Variants in MCC observed in about 807,000 individuals in gnomAD.
The protein encoded by MCC is MCC regulator of Wnt signaling pathway.
MCC carries 90 observed loss-of-function variants against 116.2 expected under a neutral mutation model. The observed-to-expected ratio is 0.77, with a 90% CI of 0.65 to 0.92. The LOEUF is 0.92. Ranked by LOEUF, MCC falls within the 40% of genes least tolerant of loss-of-function variation. The probability of loss-of-function intolerance (pLI) is 0.00; values close to 1 mark genes in which losing one functional copy is unlikely to be tolerated. For missense variants in MCC, 1,516 were observed against 1,312.2 expected, an observed-to-expected ratio of 1.16 and a Z score of -2.40; for synonymous variants, 578 against 510.5, an observed-to-expected ratio of 1.13 and a Z score of -1.78.
chr5:113,485,239 T>G (rs1327676396), intron 1 of MCC, among the ~76,000 whole-genome samples: 1 of 152,146 alleles, frequency 6.6e-6, no homozygotes, highest in Non-Finnish European at 1.5e-5. Flanking sequence ...ACACTTAAGA[T>G]TTCCAGCCTA....
At chr5:113,031,603 T>G (rs1312306585) in intron 17 of MCC, among the ~76,000 whole-genome samples, 1 of 151,728 alleles carries the variant, frequency 6.6e-6, no homozygotes. Context: ...TACTGAAGAG[T>G]TAAAAATGTA....
intron 16 of MCC, among the ~76,000 whole-genome samples, chr5:113,048,143 C>T (rs1161181285): frequency 6.6e-6 from 1 of 152,184 alleles, no homozygotes; most frequent in Non-Finnish European, 1.5e-5. Flanking sequence ...ATGGGGATAA[C>T]TATTCTTTCC....
chr5:113,410,040 ATCTG>A (rs1354305696), intron 1 of MCC, among the ~76,000 whole-genome samples: 2 of 152,192 alleles, frequency 1.3e-5, no homozygotes, highest in Non-Finnish European at 2.9e-5. Flanking sequence ...ATGTGTGTGG[ATCTG>A]TCTATGTAAC....
chr5:113,383,148 C>CA (rs1182383982), intron 2 of MCC, among the ~76,000 whole-genome samples: 1 of 151,986 alleles, frequency 6.6e-6, no homozygotes, highest in African/African-American at 2.4e-5. Context: ...TTTTTTTTCA[C>CA]AAAAAATTTC....
In MCC at chr5:113,335,945, G is replaced by A. The variant is rs143706922; in HGVS notation, c.627+4574C>T. Among the ~76,000 whole-genome samples the A allele has an allele frequency of 8.6e-5, 13 of 151,844 alleles. No homozygotes were observed. In the South Asian group the frequency reaches 1.7e-3, roughly 19 times the overall value. On this transcript the variant is annotated intron_variant, in intron 3 of 18. Coordinates refer to ENST00000408903, the MANE Select transcript of MCC (RefSeq NM_001085377.2). ...CTGCTATCACAGAATATCTGAAACC[G>A]GGTAATTTATAATGAATAGAAATTT...
At chr5:113,252,296 G>A (rs565769751) in intron 3 of MCC, among the ~76,000 whole-genome samples, 1 of 152,276 alleles carries the variant, frequency 6.6e-6, no homozygotes, top group South Asian at 2.1e-4. Flanking sequence ...GTGGTGGGTG[G>A]GCGAGTGAGA....
At chr5:113,050,510 C>T (rs1300911799) in intron 15 of MCC, among the ~76,000 whole-genome samples, 3 of 152,194 alleles carry the variant, frequency 2.0e-5, no homozygotes, top group Admixed American at 6.5e-5. Flanking sequence ...GGACACCCCT[C>T]GAAAGGGACA....
At chr5:113,043,761 T>A (rs1751890123) in intron 16 of MCC, 131 bp from the exon 17 acceptor site, 1 of 628,682 alleles carries the variant, frequency 1.6e-6, no homozygotes. Context: ...CGCCCTCAGG[T>A]CATGCCAAAG....
intron 3 of MCC, among the ~76,000 whole-genome samples, chr5:113,228,651 T>G (rs1407010157): frequency 6.6e-6 from 1 of 152,048 alleles, no homozygotes; most frequent in African/African-American, 2.4e-5. Context: ...TTATACTGAG[T>G]GCAAGAGAAA....
intron 1 of MCC, among the ~76,000 whole-genome samples, chr5:113,403,970 G>A (rs1580336656): frequency 6.6e-6 from 1 of 152,178 alleles, no homozygotes; most frequent in African/African-American, 2.4e-5. Flanking sequence ...GGGTTCAAGC[G>A]ATTCTCCTGC....
intron 8 of MCC, among the ~76,000 whole-genome samples, chr5:113,090,825 G>A (rs1755575335): frequency 6.6e-6 from 1 of 152,244 alleles, no homozygotes; most frequent in Admixed American, 6.5e-5. Flanking sequence ...TATTAAAAAT[G>A]CATAGAAATC....
At chr5:113,370,561 A>G (rs1768813488) in intron 2 of MCC, among the ~76,000 whole-genome samples, 1 of 152,226 alleles carries the variant, frequency 6.6e-6, no homozygotes, top group African/African-American at 2.4e-5. Context: ...AGGCTCAGAA[A>G]GAAGCCATCT....
intron 11 of MCC, 90 bp downstream of exon 11, chr5:113,082,770 T>TA: frequency 6.6e-7 from 1 of 1,504,628 alleles, no homozygotes; most frequent in South Asian, 1.3e-5. Context: ...TCACAATACA[T>TA]AAGCCACCTT....
chr5:113,085,114 C>T (rs371623871), intron 9 of MCC, 50 bp downstream of exon 9: 50 of 1,612,454 alleles, frequency 3.1e-5, no homozygotes, highest in Admixed American at 8.3e-5. Flanking sequence ...CTGGTGCTTC[C>T]AGATAACAGG....
At chr5:113,035,228 A>G (rs1306561215) in intron 17 of MCC, among the ~76,000 whole-genome samples, 2 of 152,136 alleles carry the variant, frequency 1.3e-5, no homozygotes, top group African/African-American at 4.8e-5. Flanking sequence ...AAGGCAGTTT[A>G]AGTTACTTGG....
Position 113,406,475 on chromosome 5 carries a change from C to T in MCC, c.171-21263G>A, listed in dbSNP as rs545067648. On this transcript the variant is annotated intron_variant, in intron 1 of 18. Transcript: ENST00000408903. ...TATAATTAACTCCTGCCCGTATAAA[C>T]GTAACGCAGATTCTCCTCCAGGTGA... Among the ~76,000 whole-genome samples the T allele has an allele frequency of 2.6e-5, 4 of 152,292 alleles. No individual in the cohort carries two copies. In the South Asian group the frequency reaches 8.3e-4, roughly 32 times the overall value.
At position 113,434,147 on chromosome 5, in the gene MCC, G is replaced by A. The variant is rs1196082017; in HGVS notation, c.171-48935C>T. The A allele has an allele frequency of 3.1e-6, 5 of 1,614,186 alleles. No homozygotes were observed. In the South Asian group the frequency reaches 5.5e-5, roughly 18 times the overall value. On this transcript the variant is annotated intron_variant, in intron 1 of 18. Coordinates refer to ENST00000408903, the MANE Select transcript of MCC (RefSeq NM_001085377.2). This position sits in a 1 kb window ranked among gnomAD's most constrained non-coding sequence, Gnocchi z 4.2. ...GCTTGGAGCGTGGGAAGTTGACGCG[G>A]TGCTCCTTCTGGATACGCAGCATCT...
At chr5:113,389,550 G>T (rs898305613) in intron 1 of MCC, among the ~76,000 whole-genome samples, 1 of 152,124 alleles carries the variant, frequency 6.6e-6, no homozygotes, top group African/African-American at 2.4e-5. Flanking sequence ...GTCATTTGGT[G>T]ATTATTTACA....
intron 2 of MCC, among the ~76,000 whole-genome samples, chr5:113,352,111 T>C (rs1461994836): frequency 2.0e-5 from 3 of 152,164 alleles, no homozygotes; most frequent in African/African-American, 7.2e-5. Context: ...TAAAGGGAAG[T>C]GGACTTTTAA....
Sources: gnomAD v4.1 joint callset for allele counts (sites outside exome capture counted in the v4.1 genomes callset) on GRCh38, gnomAD v4.1.1 for gene constraint, Gnocchi (gnomAD v3.1) non-coding constraint, MANE v1.5 for transcripts, NCBI Gene and HGNC (gene_info 2026-07-23, HGNC 2026-07-21) for gene names.